LGMN: variants seen among roughly 807,000 people sequenced by gnomAD.
LGMN encodes legumain, also known as asparaginyl endopeptidase.
LGMN carries 36 observed loss-of-function variants against 56.8 expected under a neutral mutation model. The ratio of observed to expected loss-of-function variants is 0.63; its 90% CI spans 0.49 to 0.84. The LOEUF (loss-of-function observed/expected upper bound fraction) is 0.84, where lower values mean the gene tolerates loss of function less well. LGMN is among the 40% of genes least tolerant of loss of function. LGMN has a pLI of 0.00. For missense variants in LGMN, 446 were observed against 556.1 expected (o/e 0.80, Z 1.99); for synonymous variants, 199 against 210.1 (o/e 0.95, Z 0.46).
intron 2 of LGMN, among the ~76,000 whole-genome samples, chr14:92,729,467 G>GCCTCCCCCCCCCCC (rs1890921334): frequency 3.9e-5 from 1 of 25,396 alleles, no homozygotes; most frequent in African/African-American, 1.9e-4. Flanking sequence ...CTCAGATCAC[G>GCCTCCCCCCCCCCC]CCCCCCCCCC....
chr14:92,731,444 T>C (rs1257657899), intron 2 of LGMN, among the ~76,000 whole-genome samples: 1 of 152,188 alleles, frequency 6.6e-6, no homozygotes, highest in Non-Finnish European at 1.5e-5. Flanking sequence ...CCCATGTCCA[T>C]CGGCAATTAC....
At chr14:92,724,211 C>G (rs1010831112) in intron 2 of LGMN, among the ~76,000 whole-genome samples, 2 of 152,230 alleles carry the variant, frequency 1.3e-5, no homozygotes, top group African/African-American at 4.8e-5. Context: ...GGGGCAGGTT[C>G]AGAGTGCCTT....
At chr14:92,720,217 A>G (rs2140236773) in intron 2 of LGMN, among the ~76,000 whole-genome samples, 1 of 152,376 alleles carries the variant, frequency 6.6e-6, no homozygotes, top group Middle Eastern at 3.4e-3. Flanking sequence ...CTATTTGTCC[A>G]GCACTGTGCT....
Position 92,716,239 on chromosome 14 carries a change from C to A in LGMN, c.319-18G>T, listed in dbSNP as rs771822657. 3 of 1,577,280 alleles carry A rather than the reference C, an allele frequency of 1.9e-6. No homozygotes were observed. Among genetic ancestry groups the A allele is most frequent in the Non-Finnish European group, 2.6e-6 (3 of 1,146,762 alleles). On this transcript the variant is annotated intron_variant, in intron 4 of 13. Coordinates refer to ENST00000334869, the MANE Select transcript of LGMN (RefSeq NM_005606.7). ...GTAACATCCTACAAAGAATTAGGAG[C>A]CACAATCAGATGCAGCTGTCGCTCC...
At chr14:92,719,269 G>T (rs71419261) in intron 2 of LGMN, among the ~76,000 whole-genome samples, 1 of 15,578 alleles carries the variant, frequency 6.4e-5, no homozygotes, top group Middle Eastern at 0.022. Context: ...CGCCACCGCC[G>T]CCGCCGCCAC....
chr14:92,711,042 T>G (rs528841284), intron 10 of LGMN, among the ~76,000 whole-genome samples: 2 of 152,342 alleles, frequency 1.3e-5, no homozygotes, highest in East Asian at 3.9e-4. Flanking sequence ...TGGGAGGCCC[T>G]GCACATTTGT....
At chr14:92,735,996 C>A (rs1352270158) in intron 1 of LGMN, among the ~76,000 whole-genome samples, 2 of 152,166 alleles carry the variant, frequency 1.3e-5, no homozygotes, top group African/African-American at 4.8e-5. Context: ...CAGACCTCAA[C>A]AGAGGGTTCT....
intron 8 of LGMN, 106 bp downstream of exon 8, chr14:92,712,699 C>A: frequency 9.8e-7 from 1 of 1,018,286 alleles, no homozygotes; most frequent in South Asian, 1.4e-5. Context: ...ATGGCCCAGG[C>A]TGCCCTCAGC....
At chr14:92,709,516 G>A (rs772343570) in intron 11 of LGMN, among the ~76,000 whole-genome samples, 156 bp downstream of exon 11, 10 of 152,134 alleles carry the variant, frequency 6.6e-5, no homozygotes, top group Non-Finnish European at 1.3e-4. Context: ...CCACGGCTCC[G>A]CCCACCCGCT....
At chr14:92,730,188 C>T (rs1233030475) in intron 2 of LGMN, among the ~76,000 whole-genome samples, 1 of 152,136 alleles carries the variant, frequency 6.6e-6, no homozygotes, top group Non-Finnish European at 1.5e-5. Flanking sequence ...GAGAGCTGAA[C>T]AGCTGTGTGC....
chr14:92,709,754 G>T lies in LGMN; in HGVS notation c.938C>A (p.Thr313Asn), dbSNP rs760147950. 1.9e-6 allele frequency: 3 copies of T among 1,614,094 alleles called. No individual in the cohort carries two copies. In the South Asian group the frequency reaches 3.3e-5, roughly 18 times the overall value. Residue 313 changes from threonine to asparagine, a missense_variant, in exon 11 of 14, where the codon ACC (threonine) becomes AAC (asparagine). Coordinates refer to ENST00000334869, the MANE Select transcript of LGMN (RefSeq NM_005606.7). ...GTTCATCAGTTTCCTTTTCATGATG[G>T]TGAGAGGCACATCAGGGCTGGGGGT... is the stretch of plus-strand genomic sequence containing the variant. ...DLTPSPDVPL[T>N]IMKRKLMNTN...
At chr14:92,747,408 T>A (rs56955465) in intron 1 of LGMN, among the ~76,000 whole-genome samples, 2,834 of 152,098 alleles carry the variant, frequency 0.019, 88 homozygotes, top group African/African-American at 0.065. Flanking sequence ...AAGAATCACT[T>A]GAACCGGAAA....
In LGMN at chr14:92,703,985, T is replaced by A; in HGVS notation, c.*334A>T. ...AGGTTTCAGCTTCAAATTCTCAGAA[T>A]AAAGACTCCTTTTGAGAGGGGCTAC... On this transcript the variant is annotated 3_prime_UTR_variant, in exon 14 of 14. Coordinates refer to ENST00000334869, the MANE Select transcript of LGMN (RefSeq NM_005606.7). 1.6e-6 allele frequency: 1 copy of A among 624,196 alleles called. No individual in the cohort carries two copies. The highest frequency in any genetic ancestry group is 2.8e-6 in the Non-Finnish European group (1 of 353,438). 38.7% of individuals were successfully genotyped at this position (624,196 alleles called of 1,614,324 possible). A position where few individuals can be genotyped will look rare whatever the true frequency, so the allele number is the denominator to read the frequency against.
intron 1 of LGMN, 65 bp from the exon 2 acceptor site, chr14:92,732,880 G>A: frequency 1.5e-6 from 2 of 1,329,624 alleles, no homozygotes; most frequent in Non-Finnish European, 2.1e-6. Flanking sequence ...GCTGGGCGCG[G>A]TGGCTCACAC....
chr14:92,729,840 G>A (rs759772701), intron 2 of LGMN, among the ~76,000 whole-genome samples: 1 of 152,170 alleles, frequency 6.6e-6, no homozygotes, highest in Middle Eastern at 3.2e-3. Flanking sequence ...GGGGTGAATC[G>A]GCACAAATCT....
intron 1 of LGMN, among the ~76,000 whole-genome samples, chr14:92,739,027 A>G (rs148922178): frequency 6.6e-6 from 1 of 151,858 alleles, no homozygotes; most frequent in East Asian, 1.9e-4. Flanking sequence ...CAAAAAAAAA[A>G]AAAACAAAAA....
At chr14:92,712,633 C>T (rs1889839701) in intron 8 of LGMN, 172 bp downstream of exon 8, 1 of 619,906 alleles carries the variant, frequency 1.6e-6, no homozygotes, top group African/African-American at 1.8e-5. Context: ...CCCTGACTAC[C>T]AGTGCTTCAG....
intron 1 of LGMN, among the ~76,000 whole-genome samples, chr14:92,734,210 G>T (rs529054741): frequency 6.6e-6 from 1 of 152,216 alleles, no homozygotes; most frequent in African/African-American, 2.4e-5. Flanking sequence ...TAGGGTCTGA[G>T]AGCAATGACC....
At chr14:92,708,880 A>AAAAAAAAAAAAAAAAAAAAAAC (rs1889587630) in intron 11 of LGMN, among the ~76,000 whole-genome samples, 1 of 145,908 alleles carries the variant, frequency 6.9e-6, no homozygotes, top group Non-Finnish European at 1.5e-5. Flanking sequence ...AAAAAAAAAA[A>AAAAAAAAAAAAAAAAAAAAAAC]ATCTTGCCTA....
Sources: allele counts gnomAD v4.1 joint callset (sites outside exome capture counted in the v4.1 genomes callset), GRCh38; gene constraint gnomAD v4.1.1; transcripts MANE v1.5; gene names NCBI Gene and HGNC (gene_info 2026-07-23, HGNC 2026-07-21).